PAGE4: variants seen among roughly 807,000 people sequenced by gnomAD.
PAGE4 encodes the protein PAGE family member 4.
In PAGE4, 1 loss-of-function variant was observed where a neutral mutation model predicts 8.5. The observed-to-expected ratio is 0.12, with a 90% CI of 0.04 to 0.56. The LOEUF (loss-of-function observed/expected upper bound fraction) is 0.56, where lower values mean the gene tolerates loss of function less well. Ranked by LOEUF, PAGE4 falls within the 20% of genes least tolerant of loss-of-function variation. The probability of loss-of-function intolerance (pLI) is 0.91; values close to 1 mark genes in which losing one functional copy is unlikely to be tolerated. For missense variants in PAGE4, 93 were observed against 82.7 expected (o/e 1.13, Z -0.49); for synonymous variants, 26 against 26.3 (o/e 0.99, Z 0.04).
chrX:49,830,350 G>T, intron 1 of PAGE4, 49 bp from the exon 2 acceptor site: 1 of 597,403 alleles, frequency 1.7e-6, no homozygotes. Flanking sequence ...ATTACAATCA[G>T]CAGATGGCCA....
In PAGE4 at chrX:49,832,618, C is replaced by T. The variant is rs1461557489; in HGVS notation, c.260C>T (p.Pro87Leu). The change falls in exon 4 of 5, where the codon CCT (proline) becomes CTT (leucine). Residue 87 changes from proline (P) to leucine (L), a missense_variant. Transcript: ENST00000218068. ...DGSDVKEKTP[P>L]NPKHAKTKEA... ...TCTGATGTAAAAGAGAAGACTCCAC[C>T]TAATCCTAAGCATGCTAAGACTAAA... The T allele has an allele frequency of 1.7e-6, 2 of 1,199,822 alleles. No homozygotes were observed. Among genetic ancestry groups the T allele is most frequent in the East Asian group, 3.0e-5 (1 of 33,609 alleles).
chrX:49,832,072 C>A (rs1184424072), intron 3 of PAGE4, among the ~76,000 whole-genome samples: 6 of 111,783 alleles, frequency 5.4e-5, no homozygotes, highest in Admixed American at 9.5e-5. Context: ...CAACTAGAAT[C>A]CAAACCAATT....
intron 4 of PAGE4, among the ~76,000 whole-genome samples, chrX:49,833,241 G>A (rs1923532147): frequency 9.0e-6 from 1 of 111,378 alleles, no homozygotes; most frequent in Admixed American, 9.5e-5. Context: ...CTTTTGAGAG[G>A]GAAAGGGAAT....
intron 2 of PAGE4, chrX:49,830,717 G>A: frequency 2.3e-6 from 1 of 433,661 alleles, no homozygotes; most frequent in East Asian, 3.8e-5. Context: ...TCTGGAAATA[G>A]TCTTATGACT....
At chrX:49,830,371 C>T (rs1429554345) in intron 1 of PAGE4, 28 bp from the exon 2 acceptor site, 8 of 798,999 alleles carry the variant, frequency 1.0e-5, no homozygotes, top group Non-Finnish European at 1.4e-5. Flanking sequence ...TGGAAAGAGT[C>T]AAGTATAATT....
At chrX:49,833,711 A>G in intron 4 of PAGE4, 135 bp from the exon 5 acceptor site, 4 of 455,447 alleles carry the variant, frequency 8.8e-6, no homozygotes, top group Middle Eastern at 1.2e-3. Context: ...TTAGCATAGA[A>G]GTCTATGCAG....
Position 49,833,887 on chromosome X carries a change from T to C in PAGE4, c.*25T>C. 3 of 1,129,976 alleles carry C rather than the reference T, an allele frequency of 2.7e-6. No homozygotes were observed. Among genetic ancestry groups the C allele is most frequent in the Non-Finnish European group, 3.6e-6 (3 of 825,237 alleles). The allele number at this position is 1,129,976 out of a possible 1,213,427, so 93.1% of individuals were successfully genotyped here. ...AGTTAAAAAGAAGACAAGCTGAAGCTACACACATGGCTGATGTCACATTGA... is the reference window on the plus strand; with the variant it reads ...AGTTAAAAAGAAGACAAGCTGAAGCCACACACATGGCTGATGTCACATTGA... On this transcript the variant is annotated 3_prime_UTR_variant, in exon 5 of 5. Coordinates refer to ENST00000218068, the MANE Select transcript of PAGE4 (RefSeq NM_007003.4).
Position 49,834,010 on chromosome X carries a change from A to AC in PAGE4, c.*149dup, listed in dbSNP as rs2147205827. Reference sequence around the variant, plus strand: ...TGTAAAATTTATTCCTAGGAAATTGACACTATTGTAAATGGTATCTTTAAA... The same window carrying AC: ...TGTAAAATTTATTCCTAGGAAATTGACCACTATTGTAAATGGTATCTTTAAA... On this transcript the variant is annotated 3_prime_UTR_variant, in exon 5 of 5. Coordinates refer to ENST00000218068, the MANE Select transcript of PAGE4 (RefSeq NM_007003.4). 1 of 452,359 alleles carries AC rather than the reference A, an allele frequency of 2.2e-6. No individual in the cohort carries two copies. Among genetic ancestry groups the AC allele is most frequent in the East Asian group, 3.8e-5 (1 of 26,655 alleles). 37.3% of individuals were successfully genotyped at this position (452,359 alleles called of 1,213,427 possible).
In PAGE4 at chrX:49,831,028, C is replaced by A; in HGVS notation, c.110C>A (p.Thr37Asn). The A allele has an allele frequency of 8.4e-7, 1 of 1,195,521 alleles. No individual in the cohort carries two copies. Among genetic ancestry groups the A allele is most frequent in the Non-Finnish European group, 1.1e-6 (1 of 886,933 alleles). ...PGESQQEEPP[T>N]DNQDIEPGQE... is the part of the protein sequence containing the mutation. ...GAATCTCAGCAAGAGGAACCACCAA[C>A]TGACAATCAGGATATTGAACCTGGA... Residue 37 changes from threonine to asparagine, a missense_variant, in exon 3 of 5, where the codon ACT (threonine) becomes AAT (asparagine). Thr to Asn is a moderately conservative substitution (Grantham distance 65, BLOSUM62 0). Coordinates refer to ENST00000218068, the MANE Select transcript of PAGE4 (RefSeq NM_007003.4).
rs201545193 is a variant in PAGE4 at position 49,831,092 on chromosome X, G to A, written c.166+8G>A. ...GAACACCTCCGATCGAAGGTGAGAA[G>A]GGCATGGAGGAGCATTTTGTGTTTC... On this transcript the variant is annotated splice_region_variant and intron_variant, in intron 3 of 4. Coordinates refer to ENST00000218068, the MANE Select transcript of PAGE4 (RefSeq NM_007003.4). The A allele has an allele frequency of 2.8e-6, 3 of 1,082,441 alleles. No homozygotes were observed. The highest frequency in any genetic ancestry group is 3.8e-6 in the Non-Finnish European group (3 of 793,629). The allele number at this position is 1,082,441 out of a possible 1,213,427, so 89.2% of individuals were successfully genotyped here. A position where few individuals can be genotyped will look rare whatever the true frequency, so the allele number is the denominator to read the frequency against.
intron 3 of PAGE4, chrX:49,831,294 C>T: frequency 5.3e-6 from 2 of 380,291 alleles, no homozygotes; most frequent in Middle Eastern, 1.4e-3. Flanking sequence ...CTTTGGCATA[C>T]TTGGAAAATA....
intron 4 of PAGE4, 32 bp from the exon 5 acceptor site, chrX:49,833,814 T>C (rs1267530607): frequency 1.8e-6 from 2 of 1,128,940 alleles, no homozygotes; most frequent in African/African-American, 3.6e-5. Context: ...TTCTGCTAAG[T>C]AATGAACTCA....
chrX:49,833,291 C>A (rs1354707605), intron 4 of PAGE4, among the ~76,000 whole-genome samples: 1 of 111,771 alleles, frequency 8.9e-6, no homozygotes, highest in Non-Finnish European at 1.9e-5. Context: ...GCCAATGAGA[C>A]AAATGGCCAC....
At chrX:49,833,437 T>C (rs781929478) in intron 4 of PAGE4, among the ~76,000 whole-genome samples, 45 of 112,509 alleles carry the variant, frequency 4.0e-4, no homozygotes, top group Non-Finnish European at 7.2e-4. Context: ...TTAGCTAATA[T>C]ATAATTAGCA....
At chrX:49,831,592 A>G (rs1184266396) in intron 3 of PAGE4, among the ~76,000 whole-genome samples, 1 of 111,977 alleles carries the variant, frequency 8.9e-6, no homozygotes, top group Non-Finnish European at 1.9e-5. Context: ...TTTGTCATAT[A>G]TTTATTTTTT....
rs372406433 is a variant in PAGE4, at chrX:49,831,087, G to A, written c.166+3G>A. 1.4e-5 allele frequency: 16 copies of A among 1,129,467 alleles called. No individual in the cohort carries two copies. In the African/African-American group the frequency reaches 2.3e-4, roughly 17 times the overall value. 93.1% of individuals were successfully genotyped at this position (1,129,467 alleles called of 1,213,427 possible). On this transcript the variant is annotated splice_donor_region_variant and intron_variant, in intron 3 of 4. Coordinates refer to ENST00000218068, the MANE Select transcript of PAGE4 (RefSeq NM_007003.4). ...AGAAGGAACACCTCCGATCGAAGGT[G>A]AGAAGGGCATGGAGGAGCATTTTGT...
rs2059088420 is a variant in PAGE4 at position 49,833,955 on chromosome X, G to T, written c.*93G>T. 1 of 646,550 alleles carries T rather than the reference G, an allele frequency of 1.5e-6. No individual in the cohort carries two copies. Among genetic ancestry groups the T allele is most frequent in the Non-Finnish European group, 2.4e-6 (1 of 408,186 alleles). The allele number at this position is 646,550 out of a possible 1,213,427, so 53.3% of individuals were successfully genotyped here. A position where few individuals can be genotyped will look rare whatever the true frequency, so the allele number is the denominator to read the frequency against. ...TGAAAATTCTCTCAATAAAGTTTGA[G>T]TTTTCTCTGAAGAAGTCATGCGTGT... On this transcript the variant is annotated 3_prime_UTR_variant, in exon 5 of 5. Transcript: ENST00000218068.
intron 4 of PAGE4, 58 bp downstream of exon 4, chrX:49,832,708 T>C: frequency 3.0e-6 from 3 of 983,907 alleles, no homozygotes; most frequent in Non-Finnish European, 4.2e-6. Context: ...TAATATACTT[T>C]AATAACAAGT....
At chrX:49,831,922 C>T (rs1433982703) in intron 3 of PAGE4, among the ~76,000 whole-genome samples, 2 of 111,600 alleles carry the variant, frequency 1.8e-5, no homozygotes, top group African/African-American at 6.5e-5. Context: ...GTCAATTGGC[C>T]TAGGAATGTC....
Sources: allele counts gnomAD v4.1 joint callset (sites outside exome capture counted in the v4.1 genomes callset), GRCh38; gene constraint gnomAD v4.1.1; transcripts MANE v1.5; gene names NCBI Gene and HGNC (gene_info 2026-07-23, HGNC 2026-07-21).